COPZ1: variants seen among roughly 807,000 people sequenced by gnomAD.
COPZ1 encodes coatomer subunit zeta-1.
COPZ1 carries 4 observed loss-of-function variants against 31.7 expected under a neutral mutation model. The observed-to-expected ratio is 0.13, with a 90% confidence interval of 0.06 to 0.29. The LOEUF (loss-of-function observed/expected upper bound fraction) is 0.29, where lower values mean the gene tolerates loss of function less well. COPZ1 is among the 10% of genes least tolerant of loss of function. The pLI, the probability that COPZ1 is intolerant of heterozygous loss-of-function variation, is 1.00. For synonymous variants in COPZ1, 74 were observed against 79.0 expected (o/e 0.94, Z 0.33); for missense variants, 156 against 211.5 (o/e 0.74, Z 1.63).
intron 4 of COPZ1, chr12:54,344,467 A>G (rs1055077209): frequency 6.6e-6 from 1 of 152,446 alleles, no homozygotes; most frequent in African/African-American, 2.4e-5. Flanking sequence ...AGTCCCAGCT[A>G]CTCGGGAGGT....
At chr12:54,341,056 T>C (rs1316537603) in intron 2 of COPZ1, among the ~76,000 whole-genome samples, 1 of 152,172 alleles carries the variant, frequency 6.6e-6, no homozygotes, top group Non-Finnish European at 1.5e-5. Context: ...TTTTGTCCCT[T>C]AGTTGTACTG....
At chr12:54,330,572 G>A (rs903368742) in intron 1 of COPZ1, among the ~76,000 whole-genome samples, 2 of 152,216 alleles carry the variant, frequency 1.3e-5, no homozygotes, top group Non-Finnish European at 2.9e-5. Flanking sequence ...AAGAGGAGGA[G>A]GGGGCCTCCA....
chr12:54,344,257 G>T (rs985584282), intron 4 of COPZ1, among the ~76,000 whole-genome samples: 1 of 151,628 alleles, frequency 6.6e-6, no homozygotes, highest in African/African-American at 2.4e-5. Context: ...TCGCGACCAG[G>T]CTGGCCAACA....
intron 7 of COPZ1, among the ~76,000 whole-genome samples, chr12:54,349,044 ATC>A (rs1954106298): frequency 6.6e-6 from 1 of 152,096 alleles, no homozygotes; most frequent in Non-Finnish European, 1.5e-5. Context: ...GTAATGGGAA[ATC>A]TCTCTTAACT....
intron 1 of COPZ1, among the ~76,000 whole-genome samples, chr12:54,335,854 A>G (rs1283644359): frequency 6.6e-6 from 1 of 151,548 alleles, no homozygotes; most frequent in Non-Finnish European, 1.5e-5. Flanking sequence ...GTTTTTTTTA[A>G]GTTCTTGCAG....
At chr12:54,345,176 T>G (rs942612666) in intron 4 of COPZ1, 4 of 322,376 alleles carry the variant, frequency 1.2e-5, no homozygotes, top group Non-Finnish European at 2.3e-5. Context: ...AGACATCAGG[T>G]AACACATATA....
In COPZ1 at chr12:54,350,619, T is replaced by C. The variant is rs1954131141; in HGVS notation, c.*96T>C. The C allele has an allele frequency of 2.0e-6, 2 of 996,988 alleles. No homozygotes were observed. Among genetic ancestry groups the C allele is most frequent in the Admixed American group, 1.7e-5 (1 of 58,772 alleles). 61.8% of individuals were successfully genotyped at this position (996,988 alleles called of 1,614,324 possible). ...TCCCCAATCGATGCTCTCAGGGTCATCTCGGGGATCACAGGGATCCTTAAA... is the reference window on the plus strand; with the variant it reads ...TCCCCAATCGATGCTCTCAGGGTCACCTCGGGGATCACAGGGATCCTTAAA... On this transcript the variant is annotated 3_prime_UTR_variant, in exon 9 of 9. Coordinates refer to ENST00000262061, the MANE Select transcript of COPZ1 (RefSeq NM_016057.3).
chr12:54,337,019 CAAAAAAAAAA>C (rs1182592654), intron 1 of COPZ1, among the ~76,000 whole-genome samples: 13 of 61,646 alleles, frequency 2.1e-4, no homozygotes, highest in African/African-American at 8.9e-4. Flanking sequence ...GAGACTGTCG[CAAAAAAAAAA>C]AAAAAAAAAA....
intron 1 of COPZ1, chr12:54,337,257 C>G (rs1354700810): frequency 1.9e-6 from 1 of 534,766 alleles, no homozygotes; most frequent in Admixed American, 1.9e-5. Context: ...GTTATACACT[C>G]AGGCTGTGGC....
chr12:54,335,970 G>A (rs1414708470), intron 1 of COPZ1, among the ~76,000 whole-genome samples: 5 of 152,066 alleles, frequency 3.3e-5, no homozygotes, highest in Admixed American at 6.5e-5. Context: ...GAGCCACTGC[G>A]CCTGGCCTCC....
At position 54,347,265 on chromosome 12, in the gene COPZ1, C is replaced by T. The variant is rs553126826; in HGVS notation, c.318-502C>T. On this transcript the variant is annotated intron_variant, in intron 5 of 8. Coordinates refer to ENST00000262061, the MANE Select transcript of COPZ1 (RefSeq NM_016057.3). ...AGGCTGGTGTATGCAGACCCTGCCC[C>T]CTCTTTGGGCTTCTTTTCAGGGCCT... Among the ~76,000 whole-genome samples the T allele has an allele frequency of 4.6e-5, 7 of 152,294 alleles. No homozygotes were observed. In the South Asian group the frequency reaches 1.2e-3, roughly 27 times the overall value.
intron 1 of COPZ1, among the ~76,000 whole-genome samples, chr12:54,328,505 G>T (rs1213002506): frequency 6.6e-6 from 1 of 152,068 alleles, no homozygotes; most frequent in Non-Finnish European, 1.5e-5. Flanking sequence ...GGCAGAGGTC[G>T]CGGTGAGCCG....
intron 4 of COPZ1, chr12:54,345,113 CT>C: frequency 4.9e-6 from 1 of 204,598 alleles, no homozygotes; most frequent in South Asian, 8.7e-5. Flanking sequence ...TACACTAACT[CT>C]GAAGCCTTCC....
intron 1 of COPZ1, among the ~76,000 whole-genome samples, chr12:54,326,655 GT>G (rs1953651502): frequency 6.7e-6 from 1 of 149,098 alleles, no homozygotes; most frequent in African/African-American, 2.5e-5. Flanking sequence ...GTGTGTGTGT[GT>G]GTGTGTGTGT....
chr12:54,347,088 G>C (rs1037587442), intron 5 of COPZ1, among the ~76,000 whole-genome samples: 9 of 152,158 alleles, frequency 5.9e-5, no homozygotes, highest in Non-Finnish European at 8.8e-5. Context: ...TCTCAGCCCT[G>C]CAAAATCAGC....
chr12:54,346,099 G>T (rs765851798), intron 5 of COPZ1, among the ~76,000 whole-genome samples: 9 of 151,932 alleles, frequency 5.9e-5, no homozygotes, highest in Non-Finnish European at 1.0e-4. Context: ...TTACCTCTGT[G>T]TTTACTCTTG....
rs73314658 is a variant in COPZ1, at chr12:54,342,406, T to C, written c.169+119T>C. On this transcript the variant is annotated intron_variant, in intron 3 of 8. Transcript: ENST00000262061. ...CTGCCTTTTTCTTTTTTTTTCCTTC[T>C]TCCCCTTGTATAATAAACTCTTCAG... The C allele has an allele frequency of 3.0e-3, 2,194 of 738,620 alleles. 39 individuals are homozygous for C. The African/African-American group carries it at 0.034, about 11-fold the overall frequency. The allele number at this position is 738,620 out of a possible 1,614,324, so 45.8% of individuals were successfully genotyped here. A position where few individuals can be genotyped will look rare whatever the true frequency, so the allele number is the denominator to read the frequency against.
chr12:54,331,536 G>C (rs983814950), intron 1 of COPZ1, among the ~76,000 whole-genome samples: 2 of 151,988 alleles, frequency 1.3e-5, no homozygotes, highest in African/African-American at 4.8e-5. Context: ...TGGATAGCTC[G>C]GTCAACTAAT....
At chr12:54,337,842 C>A (rs951304642) in intron 1 of COPZ1, among the ~76,000 whole-genome samples, 15 of 152,204 alleles carry the variant, frequency 9.9e-5, no homozygotes, top group African/African-American at 3.6e-4. Flanking sequence ...CCTTGTCCTC[C>A]TTAGCCTGTC....
Sources: gnomAD v4.1 joint callset for allele counts (sites outside exome capture counted in the v4.1 genomes callset) on GRCh38, gnomAD v4.1.1 for gene constraint, MANE v1.5 for transcripts, NCBI Gene and HGNC (gene_info 2026-07-23, HGNC 2026-07-21) for gene names.